Variants in RSBN1L observed in about 807,000 individuals in gnomAD.
RSBN1L encodes round spermatid basic protein 1 like.
Under a neutral mutation model 67.7 loss-of-function variants are expected in RSBN1L, and 30 were observed. The observed-to-expected ratio is 0.44, with a 90% CI of 0.33 to 0.60. The LOEUF (loss-of-function observed/expected upper bound fraction) is 0.60. Ranked by LOEUF, RSBN1L falls within the 20% of genes least tolerant of loss-of-function variation. RSBN1L has a pLI of 0.02. For missense variants in RSBN1L, 992 were observed against 1,031.7 expected (o/e 0.96, Z 0.53); for synonymous variants, 433 against 387.0 (o/e 1.12, Z -1.39).
intron 4 of RSBN1L, among the ~76,000 whole-genome samples, chr7:77,766,319 G>A (rs1327152849): frequency 6.6e-6 from 1 of 152,088 alleles, no homozygotes; most frequent in Non-Finnish European, 1.5e-5. Flanking sequence ...CAAGTACCTC[G>A]GATTACAGGC....
chr7:77,742,393 G>T (rs1456200003), intron 2 of RSBN1L, among the ~76,000 whole-genome samples: 1 of 152,114 alleles, frequency 6.6e-6, no homozygotes, highest in Non-Finnish European at 1.5e-5. Context: ...GTGGTGAATT[G>T]TGACAACACA....
intron 4 of RSBN1L, among the ~76,000 whole-genome samples, chr7:77,768,029 T>C (rs910493802): frequency 2.7e-5 from 4 of 150,632 alleles, no homozygotes; most frequent in South Asian, 4.2e-4. Flanking sequence ...TTTTGTATTT[T>C]GTAGAGACGG....
intron 2 of RSBN1L, among the ~76,000 whole-genome samples, chr7:77,739,421 G>A (rs1399845197): frequency 1.3e-5 from 2 of 151,966 alleles, no homozygotes; most frequent in African/African-American, 4.8e-5. Context: ...CTTAAAAATT[G>A]TGTCAGGTAG....
At chr7:77,720,266 A>G (rs1287551689) in intron 1 of RSBN1L, among the ~76,000 whole-genome samples, 1 of 152,154 alleles carries the variant, frequency 6.6e-6, no homozygotes, top group East Asian at 1.9e-4. Context: ...GCCTTGTTAT[A>G]AAAATTGTAA....
chr7:77,739,982 G>C (rs1018295003), intron 2 of RSBN1L, among the ~76,000 whole-genome samples: 26 of 151,192 alleles, frequency 1.7e-4, no homozygotes, highest in African/African-American at 6.1e-4. Context: ...GAACTCCTGA[G>C]GTCAGGCAGC....
intron 1 of RSBN1L, among the ~76,000 whole-genome samples, chr7:77,720,581 G>A (rs1791102193): frequency 1.3e-5 from 2 of 152,028 alleles, no homozygotes; most frequent in African/African-American, 4.8e-5. Flanking sequence ...CAGAAGACAA[G>A]TGTTATTATC....
chr7:77,775,483 C>A (rs891620460), intron 6 of RSBN1L, among the ~76,000 whole-genome samples: 1 of 151,796 alleles, frequency 6.6e-6, no homozygotes, highest in South Asian at 2.1e-4. Context: ...GAGCCGAGAT[C>A]GTGCTGTGTT....
intron 1 of RSBN1L, among the ~76,000 whole-genome samples, chr7:77,733,614 T>C (rs1342352475): frequency 6.6e-6 from 1 of 151,924 alleles, no homozygotes; most frequent in Non-Finnish European, 1.5e-5. Context: ...ATATGTTAAA[T>C]ATTTAATTAA....
chr7:77,747,861 G>C (rs1791505205), intron 2 of RSBN1L, among the ~76,000 whole-genome samples: 1 of 151,546 alleles, frequency 6.6e-6, no homozygotes, highest in Non-Finnish European at 1.5e-5. Flanking sequence ...ATTGGCTCAT[G>C]GTTCTACAGG....
intron 1 of RSBN1L, among the ~76,000 whole-genome samples, chr7:77,708,342 G>C (rs1790922641): frequency 6.6e-6 from 1 of 151,876 alleles, no homozygotes; most frequent in Non-Finnish European, 1.5e-5. Flanking sequence ...CATGGCAGTT[G>C]AAAGTTGGCC....
chr7:77,750,296 GTTTTTTT>G (rs36054297), intron 3 of RSBN1L, among the ~76,000 whole-genome samples: 16 of 57,460 alleles, frequency 2.8e-4, no homozygotes, highest in Admixed American at 8.3e-4. Context: ...AAGATTCTGT[GTTTTTTT>G]TTTTTTTTTT....
chr7:77,701,933 G>A (rs756324133), intron 1 of RSBN1L, among the ~76,000 whole-genome samples: 6 of 152,064 alleles, frequency 3.9e-5, no homozygotes, highest in African/African-American at 9.7e-5. Context: ...GGTTATAGGC[G>A]TGAGCCACCG....
At chr7:77,751,604 C>T (rs891890019) in intron 3 of RSBN1L, among the ~76,000 whole-genome samples, 3 of 152,126 alleles carry the variant, frequency 2.0e-5, no homozygotes, top group Non-Finnish European at 4.4e-5. Context: ...TGAGGTTACA[C>T]CTGAATATAA....
At chr7:77,700,871 C>T (rs1790806146) in intron 1 of RSBN1L, among the ~76,000 whole-genome samples, 1 of 152,034 alleles carries the variant, frequency 6.6e-6, no homozygotes, top group African/African-American at 2.4e-5. Flanking sequence ...GACATCCCTT[C>T]TGGGGCCGGG....
In RSBN1L at chr7:77,778,740, A is replaced by G; in HGVS notation, c.2113A>G (p.Thr705Ala). ...GGAGGACACTTCTCAGAATACAGCT[A>G]CTCATGAAACAGGCACATCATCAGA... is the stretch of plus-strand genomic sequence containing the variant. ...SEEDTSQNTA[T>A]HETGTSSDST... is the part of the protein sequence containing the mutation. Residue 705 changes from threonine to alanine, a missense_variant, in exon 8 of 8, where the codon ACT becomes GCT. This residue lies in a region of RSBN1L where 199 missense variants were observed against 167.7 expected (regional missense o/e 1.19). Coordinates refer to ENST00000334955, the MANE Select transcript of RSBN1L (RefSeq NM_198467.3). 1 of 1,614,156 alleles carries G rather than the reference A, an allele frequency of 6.2e-7. No homozygotes were observed. The highest frequency in any genetic ancestry group is 8.5e-7 in the Non-Finnish European group (1 of 1,180,000).
At chr7:77,750,414 TCTTCTAG>T (rs1486154630) in intron 3 of RSBN1L, among the ~76,000 whole-genome samples, 1 of 151,308 alleles carries the variant, frequency 6.6e-6, no homozygotes, top group Non-Finnish European at 1.5e-5. Context: ...CCTAAAATTG[TCTTCTAG>T]CTTTAGGATG....
intron 2 of RSBN1L, among the ~76,000 whole-genome samples, chr7:77,743,323 G>A (rs1791439175): frequency 6.6e-6 from 1 of 152,074 alleles, no homozygotes; most frequent in East Asian, 1.9e-4. Flanking sequence ...TCTTGGCCAG[G>A]TGCAGTGGCT....
intron 3 of RSBN1L, among the ~76,000 whole-genome samples, chr7:77,761,307 T>TA (rs2150429983): frequency 1.3e-5 from 2 of 152,314 alleles, no homozygotes; most frequent in East Asian, 1.9e-4. Flanking sequence ...AGAGAGTAGT[T>TA]ACGATTGTGC....
At chr7:77,740,979 T>A (rs1324935839) in intron 2 of RSBN1L, among the ~76,000 whole-genome samples, 1 of 146,342 alleles carries the variant, frequency 6.8e-6, no homozygotes, top group East Asian at 2.0e-4. Flanking sequence ...ATTTTTCTTT[T>A]CTTTTCTTTT....
Sources: allele counts gnomAD v4.1 joint callset (sites outside exome capture counted in the v4.1 genomes callset), GRCh38; gene constraint gnomAD v4.1.1; regional missense constraint gnomAD v4.1.1; transcripts MANE v1.5; gene names NCBI Gene and HGNC (gene_info 2026-07-23, HGNC 2026-07-21).